Variants in CLEC4C observed in about 807,000 individuals in gnomAD.
CLEC4C encodes the protein C-type (calcium dependent, carbohydrate-recognition domain) lectin, superfamily member 11.
CLEC4C carries 17 observed loss-of-function variants against 27.7 expected under a neutral mutation model. That is an observed-to-expected ratio of 0.61 (90% CI 0.42 to 0.92). The LOEUF is 0.92. CLEC4C is among the 40% of genes least tolerant of loss of function. The pLI is 0.00. For synonymous variants in CLEC4C, 80 were observed against 80.8 expected (o/e 0.99, Z 0.06); for missense variants, 244 against 257.3 (o/e 0.95, Z 0.35).
intron 2 of CLEC4C, among the ~76,000 whole-genome samples, chr12:7,744,009 G>C: frequency 6.6e-6 from 1 of 152,140 alleles, no homozygotes; most frequent in Non-Finnish European, 1.5e-5. Context: ...GTGCAAGAGA[G>C]AGTGAGGGGG....
chr12:7,737,499 C>G lies in CLEC4C; in HGVS notation c.311G>C (p.Trp104Ser). 6.2e-7 allele frequency: 1 copy of G among 1,613,856 alleles called. No homozygotes were observed. The highest frequency in any genetic ancestry group is 8.5e-7 in the Non-Finnish European group (1 of 1,179,920). ...CYFISTGMQS[W>S]TKSQKNCSVM... ...AGAACAGTTCTTTTGACTCTTAGTC[C>G]AAGATTGCATCCCAGTAGAAATAAA... Residue 104 changes from tryptophan (W) to serine (S), a missense_variant, in exon 4 of 6, where the codon TGG (tryptophan) becomes TCG (serine). Coordinates refer to ENST00000360345, the MANE Select transcript of CLEC4C (RefSeq NM_001371390.1).
At chr12:7,748,954 G>A (rs1280454824), upstream of CLEC4C, among the ~76,000 whole-genome samples, 1 of 152,194 alleles carries the variant, frequency 6.6e-6, no homozygotes, top group Non-Finnish European at 1.5e-5. Flanking sequence ...TACAGCTGAA[G>A]AGGATAAATC....
At chr12:7,730,956 C>T in intron 4 of CLEC4C, 44 bp from the exon 5 acceptor site, 2 of 986,310 alleles carry the variant, frequency 2.0e-6, no homozygotes, top group Non-Finnish European at 3.3e-6. Flanking sequence ...AGAGCAGGAG[C>T]ACCCTCATCT....
In CLEC4C at chr12:7,737,582, A is replaced by C; in HGVS notation, c.236-8T>G. 3 of 1,611,280 alleles carry C rather than the reference A, an allele frequency of 1.9e-6. No individual in the cohort carries two copies. In the South Asian group the frequency reaches 3.3e-5, roughly 18 times the overall value. On this transcript the variant is annotated splice_region_variant and splice_polypyrimidine_tract_variant and intron_variant, in intron 3 of 5. Coordinates refer to ENST00000360345, the MANE Select transcript of CLEC4C (RefSeq NM_001371390.1). ...TTGGGCAGCAGCTCCAATCTTCCCA[A>C]ATGAGTATAGAAGAAGAAAAAATAT...
At chr12:7,742,979 T>G (rs1191063161) in intron 2 of CLEC4C, among the ~76,000 whole-genome samples, 1 of 152,200 alleles carries the variant, frequency 6.6e-6, no homozygotes, top group Admixed American at 6.6e-5. Context: ...TAACCCTATC[T>G]TATATTCATT....
chr12:7,740,387 G>A (rs1200795716), intron 3 of CLEC4C, among the ~76,000 whole-genome samples: 1 of 152,014 alleles, frequency 6.6e-6, no homozygotes, highest in Non-Finnish European at 1.5e-5. Context: ...TTGGATGCAG[G>A]GGTGAAGATG....
chr12:7,745,992 G>T (rs928468016), intron 2 of CLEC4C, among the ~76,000 whole-genome samples: 2 of 151,750 alleles, frequency 1.3e-5, no homozygotes, highest in Non-Finnish European at 2.9e-5. Flanking sequence ...AAGGTGGGCG[G>T]ATCACGAGGT....
At chr12:7,744,654 G>A (rs138016594) in intron 2 of CLEC4C, among the ~76,000 whole-genome samples, 22 of 151,606 alleles carry the variant, frequency 1.5e-4, no homozygotes, top group Admixed American at 2.0e-4. Context: ...TCTCTCTGTC[G>A]CCCAGGCTGG....
intron 5 of CLEC4C, among the ~76,000 whole-genome samples, chr12:7,730,498 C>T (rs1864570893): frequency 6.6e-6 from 1 of 151,966 alleles, no homozygotes; most frequent in Admixed American, 6.6e-5. Flanking sequence ...AAATTAGCTG[C>T]GTGTGGTGGC....
At chr12:7,745,443 T>C (rs1864951911) in intron 2 of CLEC4C, among the ~76,000 whole-genome samples, 1 of 134,416 alleles carries the variant, frequency 7.4e-6, no homozygotes. Context: ...TTTTTTTTTT[T>C]TTTTTTTGAG....
intron 4 of CLEC4C, among the ~76,000 whole-genome samples, chr12:7,733,568 G>A (rs189433695): frequency 0.014 from 2,004 of 142,566 alleles, 23 homozygotes; most frequent in Middle Eastern, 0.019. Flanking sequence ...TGCAAGCTCC[G>A]CCTCCTGGGT....
chr12:7,729,809 G>A (rs2120357816), intron 5 of CLEC4C, 69 bp from the exon 6 acceptor site: 2 of 1,456,036 alleles, frequency 1.4e-6, no homozygotes, highest in East Asian at 2.3e-5. Flanking sequence ...ACTGGGAGAG[G>A]GCTAGGGTTA....
chr12:7,733,528 C>A (rs796411933), intron 4 of CLEC4C, among the ~76,000 whole-genome samples: 8 of 144,868 alleles, frequency 5.5e-5, no homozygotes, highest in African/African-American at 2.1e-4. Context: ...GTCGCCCAGG[C>A]TAGAGTGCAG....
chr12:7,746,020 C>T (rs1664064902), intron 2 of CLEC4C, among the ~76,000 whole-genome samples: 1 of 151,250 alleles, frequency 6.6e-6, no homozygotes, highest in Non-Finnish European at 1.5e-5. Flanking sequence ...TCGAAACCAC[C>T]CTGGCTAACA....
At chr12:7,742,462 G>C (rs7133113) in intron 2 of CLEC4C, among the ~76,000 whole-genome samples, 32,567 of 148,274 alleles carry the variant, frequency 0.22, 4,234 homozygotes, top group Admixed American at 0.32. Flanking sequence ...AGTGAGCAGA[G>C]ACCGTGCCAT....
chr12:7,740,854 T>C (rs1864837504), intron 3 of CLEC4C, among the ~76,000 whole-genome samples: 1 of 148,488 alleles, frequency 6.7e-6, no homozygotes. Flanking sequence ...TCTATTTTTT[T>C]TTTTGAGACG....
chr12:7,739,082 A>T (rs1864794154), intron 3 of CLEC4C, among the ~76,000 whole-genome samples: 1 of 150,744 alleles, frequency 6.6e-6, no homozygotes, highest in Admixed American at 6.7e-5. Flanking sequence ...TTTACCTCTC[A>T]CAGTTTTTCC....
chr12:7,738,495 A>G (rs772510221), intron 3 of CLEC4C, among the ~76,000 whole-genome samples: 49 of 152,278 alleles, frequency 3.2e-4, no homozygotes, highest in African/African-American at 1.2e-3. Flanking sequence ...CATTATACCA[A>G]AATAAATATT....
chr12:7,747,114 C>T (rs1294197204), intron 1 of CLEC4C, among the ~76,000 whole-genome samples: 6 of 152,162 alleles, frequency 3.9e-5, no homozygotes, highest in Non-Finnish European at 7.4e-5. Context: ...TGAGCCACCG[C>T]GCCCGCCCGG....
Sources: allele counts gnomAD v4.1 joint callset (sites outside exome capture counted in the v4.1 genomes callset), GRCh38; gene constraint gnomAD v4.1.1; transcripts MANE v1.5; gene names NCBI Gene and HGNC (gene_info 2026-07-23, HGNC 2026-07-21).